Variants in NCKAP5 observed in about 807,000 individuals in gnomAD.
NCKAP5 encodes the protein NCK associated protein 5.
A neutral mutation model predicts 167.0 loss-of-function variants in NCKAP5; 92 were observed. The ratio of observed to expected loss-of-function variants is 0.55; its 90% CI spans 0.47 to 0.66. NCKAP5 has a LOEUF of 0.66. NCKAP5 is among the 30% of genes least tolerant of loss of function. NCKAP5 has a pLI of 0.00. For synonymous variants in NCKAP5, 891 were observed against 877.4 expected (o/e 1.02, Z -0.27); for missense variants, 2,378 against 2,315.0 (o/e 1.03, Z -0.56).
At chr2:132,960,417 A>G (rs2149191526) in intron 8 of NCKAP5, among the ~76,000 whole-genome samples, 1 of 152,290 alleles carries the variant, frequency 6.6e-6, no homozygotes, top group Admixed American at 6.5e-5. Flanking sequence ...GGCTACTGCG[A>G]AACGCCCTGC....
chr2:132,838,179 C>T (rs901076761), intron 11 of NCKAP5, among the ~76,000 whole-genome samples: 5 of 152,174 alleles, frequency 3.3e-5, no homozygotes, highest in Non-Finnish European at 7.3e-5. Context: ...CCTGCTCTCT[C>T]CGTGGCACCT....
At chr2:132,877,232 T>C (rs1009514688) in intron 9 of NCKAP5, among the ~76,000 whole-genome samples, 1 of 152,192 alleles carries the variant, frequency 6.6e-6, no homozygotes, top group African/African-American at 2.4e-5. Flanking sequence ...ACTTTGGACA[T>C]TGTCAAGATT....
chr2:133,595,054 G>A, the NCKAP5 span, among the ~76,000 whole-genome samples: 1 of 152,144 alleles, frequency 6.6e-6, no homozygotes, highest in Non-Finnish European at 1.5e-5. Flanking sequence ...GGATTCCCAG[G>A]GGGCACTTAA....
intron 11 of NCKAP5, among the ~76,000 whole-genome samples, chr2:132,828,426 G>A (rs752580477): frequency 5.3e-5 from 8 of 152,056 alleles, no homozygotes; most frequent in Admixed American, 1.3e-4. Context: ...TTAAAAATGT[G>A]TAGCACCTCC....
intron 11 of NCKAP5, among the ~76,000 whole-genome samples, chr2:132,853,518 G>T (rs1027939174): frequency 2.6e-5 from 4 of 152,188 alleles, no homozygotes; most frequent in Non-Finnish European, 4.4e-5. Context: ...AGTCAGCCAT[G>T]TGCTCTTGAA....
intron 5 of NCKAP5, among the ~76,000 whole-genome samples, chr2:133,210,391 G>A (rs2086158991): frequency 6.6e-6 from 1 of 151,802 alleles, no homozygotes; most frequent in African/African-American, 2.4e-5. Flanking sequence ...TAATTATATA[G>A]CTTTTCTGTA....
intron 5 of NCKAP5, among the ~76,000 whole-genome samples, chr2:133,155,419 G>T (rs768054476): frequency 5.3e-5 from 8 of 152,058 alleles, no homozygotes; most frequent in Non-Finnish European, 8.8e-5. Flanking sequence ...TGGGTGATGC[G>T]GATGCTGGTG....
chr2:133,136,227 C>T (rs1040383856), intron 5 of NCKAP5, among the ~76,000 whole-genome samples: 8 of 152,142 alleles, frequency 5.3e-5, no homozygotes, highest in African/African-American at 1.9e-4. Context: ...AAAATATTAA[C>T]ACTTGATTCA....
chr2:133,587,788 A>AAC, the NCKAP5 span, among the ~76,000 whole-genome samples: 1 of 152,178 alleles, frequency 6.6e-6, no homozygotes, highest in Non-Finnish European at 1.5e-5. Context: ...TCCCTGCTGT[A>AAC]ACAAAATGCT....
At chr2:132,874,004 G>A (rs1455578401) in intron 9 of NCKAP5, among the ~76,000 whole-genome samples, 1 of 151,994 alleles carries the variant, frequency 6.6e-6, no homozygotes, top group Non-Finnish European at 1.5e-5. Context: ...AGAATCTGGA[G>A]CAAACAAGGA....
chr2:133,308,250 G>A lies in NCKAP5; in HGVS notation c.70-5140C>T, dbSNP rs539482634. The stretch of plus-strand genomic sequence containing the variant: ...ACTACAGGCGCCCGCCACCACGCCC[G>A]GCTAATTTTTTGTATTTTTAGTAGA... On this transcript the variant is annotated intron_variant, in intron 3 of 19. Transcript: ENST00000409261. 7.2e-3 allele frequency among the ~76,000 whole-genome samples: 1,086 copies of A among 151,600 alleles called. 3 individuals are homozygous for A. The highest frequency in any genetic ancestry group is 0.014 in the Middle Eastern group (4 of 294).
At chr2:133,200,966 AT>A (rs1369051527) in intron 5 of NCKAP5, among the ~76,000 whole-genome samples, 1 of 152,110 alleles carries the variant, frequency 6.6e-6, no homozygotes, top group East Asian at 1.9e-4. Context: ...TACATATACT[AT>A]TTTTTTCTTA....
At chr2:133,477,295 A>G (rs562366837) in intron 3 of NCKAP5, among the ~76,000 whole-genome samples, 4 of 152,330 alleles carry the variant, frequency 2.6e-5, no homozygotes, top group African/African-American at 9.6e-5. Flanking sequence ...TTCAAGGTCA[A>G]TGAACTCTGA....
chr2:132,909,480 T>C (rs577518473), intron 8 of NCKAP5, among the ~76,000 whole-genome samples: 1 of 152,238 alleles, frequency 6.6e-6, no homozygotes, highest in East Asian at 1.9e-4. Context: ...GCTAGGGTAT[T>C]CAAATTTTCC....
intron 8 of NCKAP5, among the ~76,000 whole-genome samples, chr2:132,918,579 A>T (rs937555599): frequency 7.2e-5 from 11 of 152,210 alleles, no homozygotes; most frequent in African/African-American, 2.7e-4. Context: ...GATTATAATG[A>T]TGATGACATT....
At chr2:132,686,019 T>C (rs1410964563) in intron 19 of NCKAP5, among the ~76,000 whole-genome samples, 2 of 152,150 alleles carry the variant, frequency 1.3e-5, no homozygotes, top group African/African-American at 4.8e-5. Context: ...GAAAATTTTC[T>C]ATTCCAAGGC....
intron 3 of NCKAP5, among the ~76,000 whole-genome samples, chr2:133,503,399 C>T (rs547307283): frequency 2.6e-5 from 4 of 152,118 alleles, no homozygotes; most frequent in Non-Finnish European, 5.9e-5. Context: ...CTTATATAAG[C>T]CCAGAAGAAA....
At chr2:133,158,272 G>A (rs2083650683) in intron 5 of NCKAP5, among the ~76,000 whole-genome samples, 1 of 152,174 alleles carries the variant, frequency 6.6e-6, no homozygotes, top group South Asian at 2.1e-4. Context: ...TGCAGAAACA[G>A]GTAATGTGGG....
At chr2:132,800,904 G>C (rs865795196) in intron 11 of NCKAP5, among the ~76,000 whole-genome samples, 16 of 152,170 alleles carry the variant, frequency 1.1e-4, no homozygotes, top group Admixed American at 3.3e-4. Flanking sequence ...CCCAGTGGCA[G>C]GGACTAGCTG....
Sources: gnomAD v4.1 joint callset for allele counts (sites outside exome capture counted in the v4.1 genomes callset) on GRCh38, gnomAD v4.1.1 for gene constraint, MANE v1.5 for transcripts, NCBI Gene and HGNC (gene_info 2026-07-23, HGNC 2026-07-21) for gene names.